The following PLPP3 variants were observed in gnomAD, a reference collection of about 807,000 sequenced individuals.
PLPP3 encodes the protein phospholipid phosphatase 3.
Under a neutral mutation model 29.6 loss-of-function variants are expected in PLPP3, and 6 were observed. The ratio of observed to expected loss-of-function variants is 0.20; its 90% CI spans 0.11 to 0.40. The LOEUF (loss-of-function observed/expected upper bound fraction) is 0.40, where lower values mean the gene tolerates loss of function less well. PLPP3 is among the 10% of genes least tolerant of loss of function. The pLI is 1.00. For missense variants in PLPP3, 308 were observed against 407.7 expected (o/e 0.76, Z 2.11); for synonymous variants, 152 against 159.7 (o/e 0.95, Z 0.36).
At chr1:56,517,326 C>A (rs545053965) in intron 4 of PLPP3, among the ~76,000 whole-genome samples, 44 of 152,324 alleles carry the variant, frequency 2.9e-4, no homozygotes, top group African/African-American at 9.1e-4. Flanking sequence ...ATTGTAGAAT[C>A]TCTCTGGAAT....
chr1:56,502,095 G>T (rs1218527267), intron 5 of PLPP3, among the ~76,000 whole-genome samples: 1 of 152,172 alleles, frequency 6.6e-6, no homozygotes, highest in Non-Finnish European at 1.5e-5. Flanking sequence ...AAGTACACCA[G>T]AAATAAGAAG....
intron 1 of PLPP3, among the ~76,000 whole-genome samples, chr1:56,549,786 C>A (rs921403305): frequency 1.3e-5 from 2 of 152,156 alleles, no homozygotes; most frequent in Non-Finnish European, 2.9e-5. Flanking sequence ...AATCTGCAGA[C>A]CTTCAGATAA....
intron 5 of PLPP3, among the ~76,000 whole-genome samples, chr1:56,498,156 T>G (rs2100215764): frequency 6.6e-6 from 1 of 152,332 alleles, no homozygotes; most frequent in East Asian, 1.9e-4. Flanking sequence ...GATGTACCAC[T>G]TTGCAAAGGA....
intron 1 of PLPP3, among the ~76,000 whole-genome samples, chr1:56,566,288 A>G (rs1039384594): frequency 1.3e-5 from 2 of 152,156 alleles, no homozygotes; most frequent in Non-Finnish European, 2.9e-5. Context: ...ACACGTGGAG[A>G]ATATAGGCAG....
chr1:56,536,780 CACTT>C (rs1645929920), intron 2 of PLPP3, among the ~76,000 whole-genome samples, 171 bp downstream of exon 2: 1 of 152,156 alleles, frequency 6.6e-6, no homozygotes, highest in Admixed American at 6.6e-5. Context: ...GGGGTGATAG[CACTT>C]ACTTCACATT....
chr1:56,577,553 A>G (rs1646244409), intron 1 of PLPP3, among the ~76,000 whole-genome samples: 1 of 152,218 alleles, frequency 6.6e-6, no homozygotes, highest in African/African-American at 2.4e-5. Flanking sequence ...CAGTAAGAGC[A>G]GTGCTACAGA....
intron 2 of PLPP3, among the ~76,000 whole-genome samples, chr1:56,529,016 T>A (rs1054550960): frequency 2.0e-5 from 3 of 151,900 alleles, no homozygotes; most frequent in African/African-American, 7.3e-5. Context: ...AGAACTCATC[T>A]TCCACCGCTG....
chr1:56,571,689 C>G (rs1646199604), intron 1 of PLPP3, among the ~76,000 whole-genome samples: 1 of 152,174 alleles, frequency 6.6e-6, no homozygotes, highest in Non-Finnish European at 1.5e-5. Flanking sequence ...ACTCTGTCTA[C>G]TCCACTGCCC....
At chr1:56,507,655 C>G (rs1440957662) in intron 5 of PLPP3, among the ~76,000 whole-genome samples, 2 of 152,084 alleles carry the variant, frequency 1.3e-5, no homozygotes, top group Non-Finnish European at 2.9e-5. Flanking sequence ...ACAATGTCCC[C>G]CAAAGATGCC....
chr1:56,511,909 G>T lies in PLPP3; in HGVS notation c.810+67C>A. Reference sequence around the variant, plus strand: ...AGGGCTCTCTAGCTTTAGTCACTGAGCTGGAAACATTTAACAAGCAACAGT... The same window carrying T: ...AGGGCTCTCTAGCTTTAGTCACTGATCTGGAAACATTTAACAAGCAACAGT... On this transcript the variant is annotated intron_variant, in intron 5 of 5. Transcript: ENST00000371250. 4 of 1,582,620 alleles carry T rather than the reference G, an allele frequency of 2.5e-6. No individual in the cohort carries two copies. The African/African-American group carries it at 4.0e-5, about 16-fold the overall frequency.
At chr1:56,502,418 T>A (rs1270322767) in intron 5 of PLPP3, among the ~76,000 whole-genome samples, 1 of 152,222 alleles carries the variant, frequency 6.6e-6, no homozygotes, top group Non-Finnish European at 1.5e-5. Flanking sequence ...AACCATCTGT[T>A]TCAGAATCAC....
chr1:56,541,155 C>T (rs1205819008), intron 1 of PLPP3, among the ~76,000 whole-genome samples: 1 of 152,066 alleles, frequency 6.6e-6, no homozygotes. Context: ...TTCAAGGTGT[C>T]CAACAGAGGG....
intron 2 of PLPP3, among the ~76,000 whole-genome samples, chr1:56,531,418 C>T (rs530721682): frequency 6.6e-6 from 1 of 152,198 alleles, no homozygotes; most frequent in African/African-American, 2.4e-5. Flanking sequence ...TACACATCAG[C>T]TTATAGGCCA....
At chr1:56,578,308 A>G (rs2100318878) in intron 1 of PLPP3, among the ~76,000 whole-genome samples, 1 of 152,296 alleles carries the variant, frequency 6.6e-6, no homozygotes. Flanking sequence ...TGATTGCTGA[A>G]GCCGTGCCCA....
At chr1:56,575,827 A>G (rs763462513) in intron 1 of PLPP3, among the ~76,000 whole-genome samples, 9 of 152,198 alleles carry the variant, frequency 5.9e-5, no homozygotes, top group Non-Finnish European at 8.8e-5. Context: ...TAGAAAGACA[A>G]TAACTGTTCC....
At chr1:56,547,547 T>C (rs1467517383) in intron 1 of PLPP3, among the ~76,000 whole-genome samples, 1 of 152,136 alleles carries the variant, frequency 6.6e-6, no homozygotes, top group African/African-American at 2.4e-5. Context: ...CTCAGATGGG[T>C]GGTTAGGCCG....
chr1:56,563,342 G>A (rs1035855848), intron 1 of PLPP3, among the ~76,000 whole-genome samples: 1 of 152,160 alleles, frequency 6.6e-6, no homozygotes, highest in East Asian at 1.9e-4. Flanking sequence ...GGAAATACAC[G>A]GAGCGTTTTC....
chr1:56,498,907 C>T (rs1372159708), intron 5 of PLPP3, among the ~76,000 whole-genome samples: 2 of 152,188 alleles, frequency 1.3e-5, no homozygotes, highest in African/African-American at 4.8e-5. Context: ...ACTGGGATTA[C>T]AGGTGTGAGC....
At chr1:56,549,962 G>T (rs1011518420) in intron 1 of PLPP3, among the ~76,000 whole-genome samples, 1 of 152,148 alleles carries the variant, frequency 6.6e-6, no homozygotes, top group African/African-American at 2.4e-5. Context: ...AATCCTTTCC[G>T]GGTAAGGAGT....
Sources: gnomAD v4.1 joint callset for allele counts (sites outside exome capture counted in the v4.1 genomes callset) on GRCh38, gnomAD v4.1.1 for gene constraint, MANE v1.5 for transcripts, NCBI Gene and HGNC (gene_info 2026-07-23, HGNC 2026-07-21) for gene names.